The following HCN1 variants were observed in gnomAD, a reference collection of about 807,000 sequenced individuals.
The protein encoded by HCN1 is potassium/sodium hyperpolarization-activated cyclic nucleotide-gated channel 1.
HCN1 carries 13 observed loss-of-function variants against 78.9 expected under a neutral mutation model. That is an observed-to-expected ratio of 0.16 (90% CI 0.11 to 0.26). The LOEUF is 0.26. HCN1 is among the 10% of genes least tolerant of loss of function. The pLI is 1.00. For synonymous variants in HCN1, 552 were observed against 455.5 expected (o/e 1.21, Z -2.70); for missense variants, 810 against 1,154.3 (o/e 0.70, Z 4.32).
intron 3 of HCN1, among the ~76,000 whole-genome samples, chr5:45,451,956 T>C (rs1181141481): frequency 6.6e-6 from 1 of 152,012 alleles, no homozygotes; most frequent in Non-Finnish European, 1.5e-5. Flanking sequence ...ACATTATAAG[T>C]AGATATTATA....
At chr5:45,396,387 T>TC (rs374345575) in intron 4 of HCN1, 105 bp downstream of exon 4, 30 of 311,316 alleles carry the variant, frequency 9.6e-5, no homozygotes, top group African/African-American at 5.6e-4. Context: ...ATTTTATCTC[T>TC]TTTTTTTTTT....
In HCN1 at chr5:45,303,717, A is replaced by G. The variant is rs748295181; in HGVS notation, c.1500T>C (p.Asp500=). ...CCACGGCTCCTTCTCGTATGATATA[A>G]TCTCCAGGTTGAAACACCTCAAATC... ...KLRFEVFQPG[D]YIIREGAVGK... The change falls in exon 6 of 8, where the codon GAT becomes GAC. Residue 500 remains aspartate (D), a synonymous_variant. Coordinates refer to ENST00000303230, the MANE Select transcript of HCN1 (RefSeq NM_021072.4). 6 of 1,613,688 alleles carry G rather than the reference A, an allele frequency of 3.7e-6. No individual in the cohort carries two copies. The highest frequency in any genetic ancestry group is 8.5e-7 in the Non-Finnish European group (1 of 1,179,792).
chr5:45,588,698 G>A (rs1352492026), intron 2 of HCN1, among the ~76,000 whole-genome samples: 2 of 152,058 alleles, frequency 1.3e-5, no homozygotes, highest in African/African-American at 2.4e-5. Context: ...GGACTTCACC[G>A]ACTACTCACC....
intron 1 of HCN1, among the ~76,000 whole-genome samples, chr5:45,646,903 T>G (rs1561231112): frequency 6.6e-6 from 1 of 152,146 alleles, no homozygotes; most frequent in Non-Finnish European, 1.5e-5. Context: ...CAATATAAAC[T>G]TCCATGATAA....
chr5:45,341,262 G>T (rs1450270050), intron 5 of HCN1, among the ~76,000 whole-genome samples: 1 of 152,122 alleles, frequency 6.6e-6, no homozygotes, highest in Non-Finnish European at 1.5e-5. Flanking sequence ...AATTCAACCT[G>T]TTTTTGCCTT....
Position 45,696,127 on chromosome 5 carries a change from C to T in HCN1, c.-34G>A, listed in dbSNP as rs1740008521. On this transcript the variant is annotated 5_prime_UTR_variant, in exon 1 of 8. Transcript: ENST00000303230. Reference sequence around the variant, plus strand: ...GACGCGGCCGGCGACGGCGCGGGCTCCAGACTCGCCGGCCGCCCGGCGCCG... The same window carrying T: ...GACGCGGCCGGCGACGGCGCGGGCTTCAGACTCGCCGGCCGCCCGGCGCCG... 4 of 1,285,610 alleles carry T rather than the reference C, an allele frequency of 3.1e-6. No homozygotes were observed. The highest frequency in any genetic ancestry group is 3.0e-5 in the Admixed American group (1 of 33,038). The allele number at this position is 1,285,610 out of a possible 1,614,324, so 79.6% of individuals were successfully genotyped here. A position where few individuals can be genotyped will look rare whatever the true frequency, so the allele number is the denominator to read the frequency against.
chr5:45,321,908 A>T (rs1207558931), intron 5 of HCN1, among the ~76,000 whole-genome samples: 1 of 151,926 alleles, frequency 6.6e-6, no homozygotes, highest in Non-Finnish European at 1.5e-5. Flanking sequence ...GCATACAAAA[A>T]TAACTTTATC....
chr5:45,326,967 G>A (rs903451337), intron 5 of HCN1, among the ~76,000 whole-genome samples: 101 of 151,474 alleles, frequency 6.7e-4, no homozygotes, highest in Non-Finnish European at 1.2e-3. Context: ...ATTATAAAGG[G>A]AAAAATATAG....
At position 45,333,760 on chromosome 5, in the gene HCN1, T is replaced by G. The variant is rs77457644; in HGVS notation, c.1377+19340A>C. Among the ~76,000 whole-genome samples, 95 of 151,916 alleles carry G rather than the reference T, an allele frequency of 6.3e-4. 1 individual carries two copies. In the East Asian group the frequency reaches 0.017, roughly 27 times the overall value. On this transcript the variant is annotated intron_variant, in intron 5 of 7. Coordinates refer to ENST00000303230, the MANE Select transcript of HCN1 (RefSeq NM_021072.4). ...AAGAGACTATCTATTCCCCAGTATA[T>G]TTTCTTGACATCTCTGTCAAACATG...
intron 4 of HCN1, among the ~76,000 whole-genome samples, chr5:45,392,466 T>C (rs1482257678): frequency 6.6e-6 from 1 of 152,134 alleles, no homozygotes; most frequent in Non-Finnish European, 1.5e-5. Flanking sequence ...TGGATAATGA[T>C]TACATATTAC....
In HCN1 at chr5:45,599,794, C is replaced by T. The variant is rs78532189; in HGVS notation, c.849+45391G>A. Among the ~76,000 whole-genome samples, 25 of 152,036 alleles carry T rather than the reference C, an allele frequency of 1.6e-4. No individual in the cohort carries two copies. The East Asian group carries it at 2.3e-3, about 14-fold the overall frequency. On this transcript the variant is annotated intron_variant, in intron 2 of 7. Coordinates refer to ENST00000303230, the MANE Select transcript of HCN1 (RefSeq NM_021072.4). ...CAATTAAGTTGTCTCTGCAGGATGACCACACATTGCACACTAGAGTAGCAT... is the reference window on the plus strand; with the variant it reads ...CAATTAAGTTGTCTCTGCAGGATGATCACACATTGCACACTAGAGTAGCAT...
intron 5 of HCN1, among the ~76,000 whole-genome samples, chr5:45,347,738 T>C (rs1746780412): frequency 1.3e-5 from 2 of 152,078 alleles, no homozygotes; most frequent in African/African-American, 4.8e-5. Flanking sequence ...CAGGAGCCGA[T>C]GCGATCAACT....
At chr5:45,620,413 G>A (rs1369131172) in intron 2 of HCN1, among the ~76,000 whole-genome samples, 4 of 151,808 alleles carry the variant, frequency 2.6e-5, no homozygotes, top group African/African-American at 9.7e-5. Flanking sequence ...GAAGCTGAGT[G>A]AAAGTTATGT....
At chr5:45,522,828 C>A (rs1421678666) in intron 2 of HCN1, among the ~76,000 whole-genome samples, 1 of 151,628 alleles carries the variant, frequency 6.6e-6, no homozygotes, top group African/African-American at 2.4e-5. Context: ...TTGTCCAAGT[C>A]TGCTTTCACA....
intron 2 of HCN1, among the ~76,000 whole-genome samples, chr5:45,639,441 C>T (rs1297485722): frequency 6.6e-6 from 1 of 152,146 alleles, no homozygotes; most frequent in African/African-American, 2.4e-5. Context: ...TTGAACTTCA[C>T]AACTGTTTGA....
At chr5:45,303,007 C>T (rs1445122498) in intron 6 of HCN1, among the ~76,000 whole-genome samples, 1 of 151,980 alleles carries the variant, frequency 6.6e-6, no homozygotes, top group Non-Finnish European at 1.5e-5. Flanking sequence ...TGAAAATGAA[C>T]TAATATAGAA....
At chr5:45,620,271 G>A (rs935203355) in intron 2 of HCN1, among the ~76,000 whole-genome samples, 1 of 151,970 alleles carries the variant, frequency 6.6e-6, no homozygotes, top group Non-Finnish European at 1.5e-5. Context: ...AAGGACATTA[G>A]TGGAAAAACT....
At chr5:45,593,574 T>A (rs1013903346) in intron 2 of HCN1, among the ~76,000 whole-genome samples, 1 of 151,904 alleles carries the variant, frequency 6.6e-6, no homozygotes, top group African/African-American at 2.4e-5. Context: ...TTACTGCCAA[T>A]ATGAACAAGC....
At chr5:45,302,873 G>T (rs1192995184) in intron 6 of HCN1, among the ~76,000 whole-genome samples, 1 of 151,962 alleles carries the variant, frequency 6.6e-6, no homozygotes, top group Admixed American at 6.6e-5. Context: ...ATCTCTTGCT[G>T]CCATCATGTA....
Sources: allele counts gnomAD v4.1 joint callset (sites outside exome capture counted in the v4.1 genomes callset), GRCh38; gene constraint gnomAD v4.1.1; transcripts MANE v1.5; gene names NCBI Gene and HGNC (gene_info 2026-07-23, HGNC 2026-07-21).